Variants in KCNT2 observed in about 807,000 individuals in gnomAD.
The protein encoded by KCNT2 is potassium channel subfamily T member 2.
A neutral mutation model predicts 153.8 loss-of-function variants in KCNT2; 67 were observed. That is an observed-to-expected ratio of 0.44 (90% CI 0.36 to 0.53). KCNT2 has a LOEUF of 0.53. KCNT2 is among the 20% of genes least tolerant of loss of function. KCNT2 has a pLI of 0.00. For synonymous variants in KCNT2, 500 were observed against 458.8 expected, an observed-to-expected ratio of 1.09 and a Z score of -1.15; for missense variants, 975 against 1,354.8, an observed-to-expected ratio of 0.72 and a Z score of 4.40.
At chr1:196,606,487 C>A (rs1041145740) in intron 1 of KCNT2, among the ~76,000 whole-genome samples, 1 of 152,112 alleles carries the variant, frequency 6.6e-6, no homozygotes, top group Admixed American at 6.6e-5. Flanking sequence ...GCTAGCATAA[C>A]CTTTTAATAG....
intron 11 of KCNT2, among the ~76,000 whole-genome samples, chr1:196,423,997 T>G (rs934211923): frequency 1.3e-5 from 2 of 152,004 alleles, no homozygotes; most frequent in East Asian, 3.9e-4. Flanking sequence ...ATCCCAAATA[T>G]TTTATAGGAA....
At chr1:196,363,983 C>G (rs959207798) in intron 14 of KCNT2, among the ~76,000 whole-genome samples, 1 of 151,846 alleles carries the variant, frequency 6.6e-6, no homozygotes, top group East Asian at 1.9e-4. Flanking sequence ...TATACTGATT[C>G]CAATCTCATC....
intron 23 of KCNT2, among the ~76,000 whole-genome samples, chr1:196,284,702 G>C (rs532979038): frequency 6.6e-6 from 1 of 152,086 alleles, no homozygotes; most frequent in African/African-American, 2.4e-5. Context: ...GAAACTTTAG[G>C]GATAATAGGG....
chr1:196,464,623 C>T (rs1032674996), intron 8 of KCNT2, among the ~76,000 whole-genome samples: 2 of 151,834 alleles, frequency 1.3e-5, no homozygotes, highest in Non-Finnish European at 2.9e-5. Flanking sequence ...GCAACAAAAA[C>T]ATATTATTCT....
chr1:196,282,389 G>A, intron 23 of KCNT2, 33 bp from the exon 24 acceptor site: 14 of 1,058,840 alleles, frequency 1.3e-5, no homozygotes, highest in Non-Finnish European at 1.9e-5. Flanking sequence ...ATATATAAAT[G>A]TATATTTATA....
chr1:196,228,215 T>G lies in KCNT2; in HGVS notation c.*9A>C, dbSNP rs766866611. 1.3e-6 allele frequency: 2 copies of G among 1,566,600 alleles called. No homozygotes were observed. Among genetic ancestry groups the G allele is most frequent in the Non-Finnish European group, 8.8e-7 (1 of 1,141,074 alleles). ...CTTTGTAGGAAAAAAGTTTCTCATTTTATTTTTATCAAAGTTGAGTTTCCT... is the reference window on the plus strand; with the variant it reads ...CTTTGTAGGAAAAAAGTTTCTCATTGTATTTTTATCAAAGTTGAGTTTCCT... On this transcript the variant is annotated 3_prime_UTR_variant, in exon 28 of 28. Coordinates refer to ENST00000294725, the MANE Select transcript of KCNT2 (RefSeq NM_198503.5).
At chr1:196,552,650 A>T (rs1572806650) in intron 1 of KCNT2, among the ~76,000 whole-genome samples, 1 of 151,522 alleles carries the variant, frequency 6.6e-6, no homozygotes. Flanking sequence ...TGTGGTGTGT[A>T]ACTATGCTTG....
chr1:196,323,804 C>T (rs1663569609), intron 19 of KCNT2, among the ~76,000 whole-genome samples: 1 of 151,292 alleles, frequency 6.6e-6, no homozygotes. Context: ...TAAGTCAAAC[C>T]CTCAAAACTA....
At chr1:196,374,355 C>T (rs1009791193) in intron 13 of KCNT2, among the ~76,000 whole-genome samples, 8 of 151,880 alleles carry the variant, frequency 5.3e-5, no homozygotes, top group South Asian at 4.1e-4. Context: ...CATTGACTTT[C>T]GTTCTGCCCT....
chr1:196,393,774 G>T (rs1000280007), intron 13 of KCNT2, among the ~76,000 whole-genome samples: 2 of 151,462 alleles, frequency 1.3e-5, no homozygotes, highest in Non-Finnish European at 3.0e-5. Context: ...TTTATGAAGG[G>T]TTCCACAACA....
At chr1:196,517,948 C>A (rs1652827550) in intron 1 of KCNT2, among the ~76,000 whole-genome samples, 1 of 152,016 alleles carries the variant, frequency 6.6e-6, no homozygotes, top group South Asian at 2.1e-4. Context: ...AGCAGATTAT[C>A]CCTAAGACAC....
chr1:196,443,219 A>C lies in KCNT2; in HGVS notation c.639-13462T>G, dbSNP rs77663576. ...TACAAATTTTATTTTGGACATATTTAGTTTGAGGAATCTAAGAGGAAATGG... is the reference window on the plus strand; with the variant it reads ...TACAAATTTTATTTTGGACATATTTCGTTTGAGGAATCTAAGAGGAAATGG... On this transcript the variant is annotated intron_variant, in intron 8 of 27. Transcript: ENST00000294725. 2.7e-3 allele frequency among the ~76,000 whole-genome samples: 409 copies of C among 151,730 alleles called. 1 individual carries two copies. Among genetic ancestry groups the C allele is most frequent in the African/African-American group, 8.7e-3 (363 of 41,486 alleles).
intron 14 of KCNT2, among the ~76,000 whole-genome samples, chr1:196,351,969 G>T (rs1666746133): frequency 1.3e-5 from 2 of 152,078 alleles, no homozygotes; most frequent in Admixed American, 1.3e-4. Flanking sequence ...TAATCATGTG[G>T]TTTTTGTCTT....
chr1:196,389,094 A>C (rs1471892619), intron 13 of KCNT2, among the ~76,000 whole-genome samples: 1 of 151,762 alleles, frequency 6.6e-6, no homozygotes, highest in African/African-American at 2.4e-5. Flanking sequence ...TGTTGATATG[A>C]TCATATACTT....
intron 1 of KCNT2, among the ~76,000 whole-genome samples, chr1:196,520,305 A>T (rs1653184501): frequency 6.6e-6 from 1 of 151,974 alleles, no homozygotes; most frequent in East Asian, 1.9e-4. Context: ...AAACCATATC[A>T]CAAAATAATA....
chr1:196,454,300 G>C (rs929312399), intron 8 of KCNT2, among the ~76,000 whole-genome samples: 10 of 151,954 alleles, frequency 6.6e-5, no homozygotes, highest in African/African-American at 2.4e-4. Context: ...CTAAGGTTTG[G>C]GGTACAAATG....
intron 13 of KCNT2, among the ~76,000 whole-genome samples, chr1:196,388,527 A>G (rs534544504): frequency 1.3e-5 from 2 of 151,812 alleles, no homozygotes; most frequent in East Asian, 3.9e-4. Flanking sequence ...TAACCCTTGA[A>G]GTAAGCTACA....
chr1:196,391,541 T>G (rs1054328955), intron 13 of KCNT2, among the ~76,000 whole-genome samples: 1 of 151,268 alleles, frequency 6.6e-6, no homozygotes, highest in African/African-American at 2.4e-5. Context: ...AAAACATTAA[T>G]GGAGATAAAC....
intron 14 of KCNT2, among the ~76,000 whole-genome samples, chr1:196,347,467 T>C (rs1240741280): frequency 6.6e-6 from 1 of 152,208 alleles, no homozygotes. Context: ...CCTTCCTCCA[T>C]CATCAATTCT....
Sources: allele counts gnomAD v4.1 joint callset (sites outside exome capture counted in the v4.1 genomes callset), GRCh38; gene constraint gnomAD v4.1.1; transcripts MANE v1.5; gene names NCBI Gene and HGNC (gene_info 2026-07-23, HGNC 2026-07-21).